The following EML1 variants were observed in gnomAD, a reference collection of about 807,000 sequenced individuals.
EML1 encodes echinoderm microtubule-associated protein-like 1.
A neutral mutation model predicts 110.4 loss-of-function variants in EML1; 27 were observed. The observed-to-expected ratio is 0.24, with a 90% CI of 0.18 to 0.34. The LOEUF is 0.34. EML1 is among the 10% of genes least tolerant of loss of function. The pLI, the probability that EML1 is intolerant of heterozygous loss-of-function variation, is 1.00. For synonymous variants in EML1, 344 were observed against 385.8 expected (o/e 0.89, Z 1.27); for missense variants, 741 against 1,030.9 (o/e 0.72, Z 3.85).
At chr14:99,897,110 A>C (rs1456540255) in intron 6 of EML1, 35 bp from the exon 7 acceptor site, 1 of 1,487,388 alleles carries the variant, frequency 6.7e-7, no homozygotes. Context: ...TCAGCTCTTA[A>C]AGGGAAAAAA....
chr14:99,937,590 A>G (rs956611639), intron 19 of EML1, among the ~76,000 whole-genome samples: 1 of 152,102 alleles, frequency 6.6e-6, no homozygotes, highest in Non-Finnish European at 1.5e-5. Flanking sequence ...CGGAGATGGG[A>G]AAAAAACAAA....
intron 1 of EML1, among the ~76,000 whole-genome samples, chr14:99,756,234 C>T (rs1488090857): frequency 1.3e-5 from 2 of 152,194 alleles, no homozygotes; most frequent in Non-Finnish European, 2.9e-5. Flanking sequence ...GGGTTGGGGG[C>T]ACTGACCAAT....
At chr14:99,759,076 A>T (rs2057287347) in intron 1 of EML1, among the ~76,000 whole-genome samples, 1 of 152,236 alleles carries the variant, frequency 6.6e-6, no homozygotes, top group Non-Finnish European at 1.5e-5. Flanking sequence ...AGTGATTTAC[A>T]TGTTCCTCCA....
rs150291537 is a variant in EML1 at position 99,880,885 on chromosome 14, C to T, written c.518+2266C>T. Reference sequence around the variant, plus strand: ...TTGGCACTCAGTAAATGATCGTCATCCCTGTGATAGTTCTTATAAAGACAG... The same window carrying T: ...TTGGCACTCAGTAAATGATCGTCATTCCTGTGATAGTTCTTATAAAGACAG... On this transcript the variant is annotated intron_variant, in intron 4 of 21. Transcript: ENST00000262233. 8.9e-3 allele frequency among the ~76,000 whole-genome samples: 1,359 copies of T among 152,284 alleles called. 7 individuals are homozygous for T. The highest frequency in any genetic ancestry group is 0.016 in the Admixed American group (251 of 15,296).
At chr14:99,931,235 C>T (rs1454186614) in intron 17 of EML1, among the ~76,000 whole-genome samples, 1 of 152,232 alleles carries the variant, frequency 6.6e-6, no homozygotes, top group Non-Finnish European at 1.5e-5. Context: ...TGCAGACCAT[C>T]TTCGCTGCCA....
Position 99,781,940 on chromosome 14 carries a change from C to T in EML1, c.-27+7927C>T, listed in dbSNP as rs940709212. Among the ~76,000 whole-genome samples the T allele has an allele frequency of 6.6e-6, 1 of 152,194 alleles. No homozygotes were observed. Among genetic ancestry groups the T allele is most frequent in the African/African-American group, 2.4e-5 (1 of 41,438 alleles). ...CCTCAGACCCTGGGGTTTCACTAAT[C>T]CCCATGTGTCTGTCGGTCCCAAACC... On this transcript the variant is annotated intron_variant, in intron 1 of 22. Coordinates refer to the EML1 transcript ENST00000327921. This position sits in a 1 kb window ranked among gnomAD's most constrained non-coding sequence, Gnocchi z 4.2.
At chr14:99,770,390 T>TCTATCTATCTATCTAA (rs1433678130), upstream of EML1, among the ~76,000 whole-genome samples, 3 of 151,928 alleles carry the variant, frequency 2.0e-5, no homozygotes, top group African/African-American at 7.2e-5. Flanking sequence ...TATCTATCTA[T>TCTATCTATCTATCTAA]CTATCTATCT....
chr14:99,746,064 CT>C (rs988329378), intron 1 of EML1, among the ~76,000 whole-genome samples: 5 of 152,356 alleles, frequency 3.3e-5, no homozygotes, highest in Admixed American at 1.3e-4. Context: ...TCCCCCTCCC[CT>C]AGGCCCTTTC....
chr14:99,871,996 A>G (rs2059213702), intron 3 of EML1, among the ~76,000 whole-genome samples: 1 of 152,194 alleles, frequency 6.6e-6, no homozygotes. Context: ...CAGCCCTGAC[A>G]TCTGCTCAGG....
Position 99,894,655 on chromosome 14 carries a change from C to T in EML1, c.574C>T (p.Arg192Cys), listed in dbSNP as rs1343214276. ...AGAAGGCTATGTAAAAATGTTTCTTCGTGGACGCCCTGTTACCATGTACAT... is the reference window on the plus strand; with the variant it reads ...AGAAGGCTATGTAAAAATGTTTCTTTGTGGACGCCCTGTTACCATGTACAT... The part of the protein sequence containing the change: ...AEEGYVKMFL[R>C]GRPVTMYMPK... The change falls in exon 6 of 22, where the codon CGT (arginine) becomes TGT (cysteine). Residue 192 changes from arginine to cysteine, a missense_variant. Coordinates refer to ENST00000262233, the MANE Select transcript of EML1 (RefSeq NM_004434.3). 6 of 1,611,956 alleles carry T rather than the reference C, an allele frequency of 3.7e-6. No individual in the cohort carries two copies. The highest frequency in any genetic ancestry group is 2.2e-5 in the South Asian group (2 of 90,488).
intron 1 of EML1, among the ~76,000 whole-genome samples, chr14:99,832,976 G>T (rs936521660): frequency 3.3e-5 from 5 of 151,970 alleles, no homozygotes; most frequent in Admixed American, 2.0e-4. Context: ...TGAGGTTTGG[G>T]GTATGATTGA....
intron 1 of EML1, 114 bp downstream of exon 1, chr14:99,793,657 G>C: frequency 1.2e-6 from 1 of 821,624 alleles, no homozygotes; most frequent in Non-Finnish European, 1.5e-6. Context: ...GGGCGAGGCC[G>C]CGCAAAGTTG....
chr14:99,918,303 G>A (rs1349800777), intron 16 of EML1, among the ~76,000 whole-genome samples: 3 of 152,094 alleles, frequency 2.0e-5, no homozygotes, highest in Admixed American at 2.0e-4. Context: ...TCACTGTGTT[G>A]CCCAGGCTGG....
In EML1 at chr14:99,781,471, T is replaced by A. The variant is rs2057539165; in HGVS notation, c.-27+7458T>A. Reference sequence around the variant, plus strand: ...CTTGGCTTCTTCTGCATCCGCAGTGTGGTCTGGCGGGCCAGTTCCCCACCC... The same window carrying A: ...CTTGGCTTCTTCTGCATCCGCAGTGAGGTCTGGCGGGCCAGTTCCCCACCC... On this transcript the variant is annotated intron_variant, in intron 1 of 22. Transcript: ENST00000327921. This position sits in a 1 kb window ranked among gnomAD's most constrained non-coding sequence, Gnocchi z 4.2. 6.6e-6 allele frequency among the ~76,000 whole-genome samples: 1 copy of A among 152,192 alleles called. No homozygotes were observed. Among genetic ancestry groups the A allele is most frequent in the Non-Finnish European group, 1.5e-5 (1 of 68,038 alleles).
chr14:99,884,291 T>C (rs941061567), intron 4 of EML1, among the ~76,000 whole-genome samples: 1 of 152,154 alleles, frequency 6.6e-6, no homozygotes, highest in Non-Finnish European at 1.5e-5. Flanking sequence ...CAGCGCCTGT[T>C]TCTGTCTTTA....
At chr14:99,855,873 A>C (rs1386120114) in intron 2 of EML1, among the ~76,000 whole-genome samples, 2 of 152,182 alleles carry the variant, frequency 1.3e-5, no homozygotes, top group Non-Finnish European at 2.9e-5. Context: ...TGTCATTCCA[A>C]GACATCAAAA....
At chr14:99,791,885 T>G (rs1016559579), upstream of EML1, among the ~76,000 whole-genome samples, 1 of 152,226 alleles carries the variant, frequency 6.6e-6, no homozygotes, top group Non-Finnish European at 1.5e-5. Context: ...TTCCCACTTG[T>G]CTGCACAATG....
chr14:99,761,596 C>T (rs530941014), intron 1 of EML1, among the ~76,000 whole-genome samples: 2 of 152,198 alleles, frequency 1.3e-5, no homozygotes, highest in Admixed American at 1.3e-4. Context: ...GCAGAATGGG[C>T]ATTCAAAATG....
intron 4 of EML1, among the ~76,000 whole-genome samples, chr14:99,882,479 T>C (rs1414293789): frequency 6.6e-6 from 1 of 152,110 alleles, no homozygotes; most frequent in African/African-American, 2.4e-5. Flanking sequence ...TGAGTTGATT[T>C]TGTTAGAATA....
Sources: gnomAD v4.1 joint callset for allele counts (sites outside exome capture counted in the v4.1 genomes callset) on GRCh38, gnomAD v4.1.1 for gene constraint, Gnocchi (gnomAD v3.1) non-coding constraint, MANE v1.5 for transcripts, NCBI Gene and HGNC (gene_info 2026-07-23, HGNC 2026-07-21) for gene names.